Variants in PTPRT observed in about 807,000 individuals in gnomAD.
The protein encoded by PTPRT is receptor-type tyrosine-protein phosphatase T.
In PTPRT, 56 loss-of-function variants were observed where a neutral mutation model predicts 176.8. The ratio of observed to expected loss-of-function variants is 0.32; its 90% CI spans 0.26 to 0.40. The LOEUF (loss-of-function observed/expected upper bound fraction) is 0.40. Ranked by LOEUF, PTPRT falls within the 10% of genes least tolerant of loss-of-function variation. PTPRT has a pLI of 1.00. For synonymous variants in PTPRT, 783 were observed against 739.0 expected, an observed-to-expected ratio of 1.06 and a Z score of -0.96; for missense variants, 1,540 against 1,908.2, an observed-to-expected ratio of 0.81 and a Z score of 3.60.
intron 14 of PTPRT, among the ~76,000 whole-genome samples, chr20:42,236,742 A>G (rs1052616329): frequency 3.3e-5 from 5 of 151,974 alleles, no homozygotes. Flanking sequence ...TCTATTTCAG[A>G]TAAAGTCACA....
intron 1 of PTPRT, among the ~76,000 whole-genome samples, chr20:43,148,191 C>T (rs1190947653): frequency 6.6e-6 from 1 of 152,158 alleles, no homozygotes; most frequent in Non-Finnish European, 1.5e-5. Flanking sequence ...CCCAACTCCA[C>T]AAAATCAATC....
intron 9 of PTPRT, among the ~76,000 whole-genome samples, chr20:42,409,916 T>C (rs555649983): frequency 1.3e-5 from 2 of 152,190 alleles, no homozygotes; most frequent in Admixed American, 1.3e-4. Context: ...ACTCAGTAAA[T>C]TTAAAAAGAA....
At chr20:42,055,225 A>T in the PTPRT span, among the ~76,000 whole-genome samples, 1 of 152,194 alleles carries the variant, frequency 6.6e-6, no homozygotes, top group South Asian at 2.1e-4. Context: ...TATGAAGCAA[A>T]TAAAAAGGCA....
At chr20:42,298,478 C>T (rs1026070565) in intron 12 of PTPRT, among the ~76,000 whole-genome samples, 4 of 152,140 alleles carry the variant, frequency 2.6e-5, no homozygotes, top group African/African-American at 9.7e-5. Context: ...CCTACAATTC[C>T]TCTTCTAGGA....
chr20:42,406,233 A>G (rs1292474108), intron 9 of PTPRT, among the ~76,000 whole-genome samples: 3 of 152,078 alleles, frequency 2.0e-5, no homozygotes, highest in Admixed American at 6.6e-5. Context: ...AATGACATAA[A>G]GAAAAAACAT....
chr20:42,437,126 T>A (rs1241446778), intron 9 of PTPRT, among the ~76,000 whole-genome samples: 1 of 152,200 alleles, frequency 6.6e-6, no homozygotes, highest in Non-Finnish European at 1.5e-5. Context: ...CATAAGTAAA[T>A]GTTAGGTGTT....
intron 7 of PTPRT, among the ~76,000 whole-genome samples, chr20:42,652,737 C>A (rs895858052): frequency 6.6e-6 from 1 of 152,118 alleles, no homozygotes; most frequent in African/African-American, 2.4e-5. Context: ...TTTGTGTCAC[C>A]TCCCCCATCT....
chr20:42,634,053 T>A (rs867325196), intron 7 of PTPRT, among the ~76,000 whole-genome samples: 2 of 32,046 alleles, frequency 6.2e-5, no homozygotes, highest in African/African-American at 2.0e-4. Context: ...ATATATATAT[T>A]ATAAATATAT....
At chr20:42,903,556 C>T (rs770794950) in intron 1 of PTPRT, among the ~76,000 whole-genome samples, 1 of 152,164 alleles carries the variant, frequency 6.6e-6, no homozygotes, top group Non-Finnish European at 1.5e-5. Flanking sequence ...AATATTATTG[C>T]GGTCTGAGTA....
chr20:42,116,637 C>T (rs757634056), intron 21 of PTPRT, among the ~76,000 whole-genome samples: 6 of 152,072 alleles, frequency 3.9e-5, no homozygotes, highest in East Asian at 1.9e-4. Context: ...ATTTTGCAGA[C>T]GAGGAAGCAT....
At chr20:42,981,891 T>G (rs777453015) in intron 1 of PTPRT, among the ~76,000 whole-genome samples, 1 of 152,172 alleles carries the variant, frequency 6.6e-6, no homozygotes, top group Non-Finnish European at 1.5e-5. Flanking sequence ...GGCTGAGCAC[T>G]AGCAAAACAG....
At chr20:42,610,594 A>G (rs2073959912) in intron 7 of PTPRT, among the ~76,000 whole-genome samples, 1 of 152,270 alleles carries the variant, frequency 6.6e-6, no homozygotes, top group Admixed American at 6.5e-5. Context: ...TCTGTGAGAC[A>G]GGAAGGGGTT....
At chr20:42,354,345 A>G (rs1342166651) in intron 9 of PTPRT, among the ~76,000 whole-genome samples, 1 of 152,028 alleles carries the variant, frequency 6.6e-6, no homozygotes, top group Non-Finnish European at 1.5e-5. Flanking sequence ...CAACATTATC[A>G]TTATGTCCAT....
At chr20:42,156,068 C>T (rs116550949) in intron 17 of PTPRT, among the ~76,000 whole-genome samples, 1 of 152,146 alleles carries the variant, frequency 6.6e-6, no homozygotes, top group African/African-American at 2.4e-5. Flanking sequence ...GCTGTGCCCA[C>T]CCCTGTGCCA....
chr20:42,820,836 G>T (rs1040857429), intron 2 of PTPRT, among the ~76,000 whole-genome samples: 1 of 151,954 alleles, frequency 6.6e-6, no homozygotes, highest in Non-Finnish European at 1.5e-5. Context: ...ATTCCTGGAC[G>T]CATACACTCA....
At chr20:42,900,972 T>A (rs2079394098) in intron 1 of PTPRT, among the ~76,000 whole-genome samples, 1 of 152,134 alleles carries the variant, frequency 6.6e-6, no homozygotes, top group Non-Finnish European at 1.5e-5. Context: ...TGATTGTATC[T>A]TGAGTTAAAA....
intron 13 of PTPRT, among the ~76,000 whole-genome samples, chr20:42,249,694 G>A (rs1285122879): frequency 1.3e-5 from 2 of 152,180 alleles, no homozygotes; most frequent in Non-Finnish European, 2.9e-5. Flanking sequence ...GACCTCAGTG[G>A]TCAGAAACCC....
intron 1 of PTPRT, among the ~76,000 whole-genome samples, chr20:42,907,514 G>T (rs2079493779): frequency 6.6e-6 from 1 of 151,858 alleles, no homozygotes; most frequent in Non-Finnish European, 1.5e-5. Flanking sequence ...GACACAATTT[G>T]GGCCCACCCA....
At chr20:42,072,369 G>T (rs1471735612), downstream of PTPRT, among the ~76,000 whole-genome samples, 4 of 152,158 alleles carry the variant, frequency 2.6e-5, no homozygotes, top group Non-Finnish European at 5.9e-5. Flanking sequence ...TGAGTTTTGG[G>T]TTGTTTATTA....
Sources: gnomAD v4.1 joint callset for allele counts (sites outside exome capture counted in the v4.1 genomes callset) on GRCh38, gnomAD v4.1.1 for gene constraint, MANE v1.5 for transcripts, NCBI Gene and HGNC (gene_info 2026-07-23, HGNC 2026-07-21) for gene names.